The following ARID5B variants were observed in gnomAD, a reference collection of about 807,000 sequenced individuals.
ARID5B encodes the protein AT-rich interaction domain 5B, also known as AT-rich interactive domain-containing protein 5B.
Under a neutral mutation model 97.2 loss-of-function variants are expected in ARID5B, and 13 were observed. That is an observed-to-expected ratio of 0.13 (90% CI 0.09 to 0.21). The LOEUF (loss-of-function observed/expected upper bound fraction) is 0.21, where lower values mean the gene tolerates loss of function less well. Among genes scored for constraint, ARID5B ranks in the 10% least tolerant of loss-of-function variants. ARID5B has a pLI of 1.00. For synonymous variants in ARID5B, 556 were observed against 570.3 expected, an observed-to-expected ratio of 0.97 and a Z score of 0.36; for missense variants, 1,210 against 1,465.3, an observed-to-expected ratio of 0.83 and a Z score of 2.84.
intron 4 of ARID5B, among the ~76,000 whole-genome samples, chr10:62,020,742 G>A (rs1023390762): frequency 2.6e-5 from 4 of 152,084 alleles, no homozygotes; most frequent in East Asian, 1.9e-4. Flanking sequence ...ACAAGCCAAC[G>A]CCAGAGAAGA....
At chr10:61,942,521 G>A (rs1283299903) in intron 3 of ARID5B, among the ~76,000 whole-genome samples, 1 of 152,252 alleles carries the variant, frequency 6.6e-6, no homozygotes, top group African/African-American at 2.4e-5. Flanking sequence ...GCCGGGTGCG[G>A]TGGCTCACGC....
At position 62,092,146 on chromosome 10, in the gene ARID5B, G is replaced by T; in HGVS notation, c.2683G>T (p.Ala895Ser). ...CCTGCACCTGCAAGACAAAAAGTCGGCGGCAGCAGAAGCCCCTACGGATGA... is the reference window on the plus strand; with the variant it reads ...CCTGCACCTGCAAGACAAAAAGTCGTCGGCAGCAGAAGCCCCTACGGATGA... The part of the protein sequence containing the change: ...TSLHLQDKKS[A>S]AAEAPTDDQP... The change falls in exon 10 of 10, where the codon GCG becomes TCG. Residue 895 changes from alanine (A) to serine (S), a missense_variant. This residue lies in a region of ARID5B where 800 missense variants were observed against 839.1 expected (regional missense o/e 0.95). Coordinates refer to ENST00000279873, the MANE Select transcript of ARID5B (RefSeq NM_032199.3). 1 of 1,607,610 alleles carries T rather than the reference G, an allele frequency of 6.2e-7. No homozygotes were observed. The highest frequency in any genetic ancestry group is 1.1e-5 in the South Asian group (1 of 90,138).
chr10:61,915,686 C>T (rs760308847), intron 2 of ARID5B, among the ~76,000 whole-genome samples: 16 of 152,286 alleles, frequency 1.1e-4, no homozygotes, highest in Middle Eastern at 3.4e-3. Flanking sequence ...GTTGAAAACA[C>T]GGCAAGCTAA....
At chr10:62,068,740 T>A (rs1840025608) in intron 7 of ARID5B, among the ~76,000 whole-genome samples, 1 of 152,194 alleles carries the variant, frequency 6.6e-6, no homozygotes, top group African/African-American at 2.4e-5. Context: ...GAACTTGTTC[T>A]GTCTTCCAAA....
intron 3 of ARID5B, among the ~76,000 whole-genome samples, chr10:61,954,491 C>A (rs1005817047): frequency 6.6e-6 from 1 of 152,170 alleles, no homozygotes; most frequent in Non-Finnish European, 1.5e-5. Flanking sequence ...TCATGATTAA[C>A]AGCTGATGCT....
chr10:62,085,736 G>A lies in ARID5B; in HGVS notation c.1234G>A (p.Glu412Lys). 5 of 1,611,406 alleles carry A rather than the reference G, an allele frequency of 3.1e-6. No homozygotes were observed. The highest frequency in any genetic ancestry group is 4.2e-6 in the Non-Finnish European group (5 of 1,179,364). ...ACCATATGAAAGATTTATTAAAGGA[G>A]AAGAAGATAAGCCCCTGCCTCCAAT... is the stretch of plus-strand genomic sequence containing the variant. ...ILPYERFIKG[E>K]EDKPLPPIKP... The change falls in exon 9 of 10, where the codon GAA becomes AAA. Residue 412 changes from glutamate to lysine, a missense_variant. By Grantham distance (56) the Glu-to-Lys change is moderately conservative. Coordinates refer to ENST00000279873, the MANE Select transcript of ARID5B (RefSeq NM_032199.3).
intron 4 of ARID5B, among the ~76,000 whole-genome samples, chr10:62,001,151 G>A (rs191678822): frequency 1.3e-5 from 2 of 152,306 alleles, no homozygotes; most frequent in Admixed American, 1.3e-4. Flanking sequence ...GTTTGTTGAG[G>A]AGACTGGATC....
chr10:62,040,908 A>G (rs1839628147), intron 4 of ARID5B, among the ~76,000 whole-genome samples: 3 of 152,190 alleles, frequency 2.0e-5, no homozygotes, highest in South Asian at 2.1e-4. Context: ...GAAATGTTTT[A>G]TCTTACAGTG....
At chr10:61,932,574 T>C (rs181789099) in intron 2 of ARID5B, among the ~76,000 whole-genome samples, 3 of 152,258 alleles carry the variant, frequency 2.0e-5, no homozygotes, top group Admixed American at 2.0e-4. Flanking sequence ...CACACCTGGC[T>C]AATTTTTGTT....
At position 62,043,123 on chromosome 10, in the gene ARID5B, C is replaced by A. The variant is rs559643322; in HGVS notation, c.734-7765C>A. 2.0e-5 allele frequency among the ~76,000 whole-genome samples: 3 copies of A among 152,198 alleles called. No individual in the cohort carries two copies. The East Asian group carries it at 5.8e-4, about 29-fold the overall frequency. On this transcript the variant is annotated intron_variant, in intron 4 of 9. Transcript: ENST00000279873. ...GGGGACCCTCCACCAAGAATGGTTTCCCCTGGAGGATATTGCAGACAGCCA... is the reference window on the plus strand; with the variant it reads ...GGGGACCCTCCACCAAGAATGGTTTACCCTGGAGGATATTGCAGACAGCCA...
intron 3 of ARID5B, among the ~76,000 whole-genome samples, chr10:61,949,404 A>T (rs1445343770): frequency 6.6e-6 from 1 of 152,218 alleles, no homozygotes; most frequent in African/African-American, 2.4e-5. Flanking sequence ...TGGGAGGCCA[A>T]GGCAGGTGGA....
rs1177645299 is a variant in ARID5B, at chr10:62,091,707, G to T, written c.2244G>T (p.Arg748=). 1.2e-6 allele frequency: 2 copies of T among 1,614,016 alleles called. No homozygotes were observed. Among genetic ancestry groups the T allele is most frequent in the South Asian group, 1.1e-5 (1 of 91,080 alleles). The part of the protein sequence containing the change: ...GQSTDHMAVS[R]PSVIQHVQSF... ...GCACTGACCATATGGCGGTCAGCCG[G>T]CCATCAGTGATTCAGCACGTCCAGA... is the stretch of plus-strand genomic sequence containing the variant. Residue 748 remains arginine (R), a synonymous_variant, in exon 10 of 10, where the codon CGG becomes CGT. Transcript: ENST00000279873.
At chr10:61,998,818 C>G (rs553237248) in intron 3 of ARID5B, among the ~76,000 whole-genome samples, 53 of 152,272 alleles carry the variant, frequency 3.5e-4, no homozygotes, top group Admixed American at 1.2e-3. Flanking sequence ...GTGTATCAAT[C>G]AAGTTGGGCT....
chr10:61,955,276 C>T (rs984573463), intron 3 of ARID5B, among the ~76,000 whole-genome samples: 1 of 152,016 alleles, frequency 6.6e-6, no homozygotes, highest in African/African-American at 2.4e-5. Context: ...TATGCTCACG[C>T]AGAAAGGGAA....
intron 2 of ARID5B, among the ~76,000 whole-genome samples, chr10:61,908,493 A>C (rs1293055615): frequency 1.3e-5 from 2 of 152,176 alleles, no homozygotes; most frequent in African/African-American, 4.8e-5. Flanking sequence ...GTGTGCTGGC[A>C]CTTGGATACA....
At chr10:62,009,173 C>T (rs1455373998) in intron 4 of ARID5B, among the ~76,000 whole-genome samples, 1 of 152,196 alleles carries the variant, frequency 6.6e-6, no homozygotes, top group Admixed American at 6.5e-5. Context: ...ATTCCATCAT[C>T]TGGGCTTTAT....
intron 2 of ARID5B, among the ~76,000 whole-genome samples, chr10:61,928,149 C>A (rs1219816100): frequency 6.6e-6 from 1 of 152,180 alleles, no homozygotes; most frequent in Non-Finnish European, 1.5e-5. Flanking sequence ...CTGGTAATCA[C>A]TCCCACCCCT....
chr10:62,045,285 C>T (rs1419805226), intron 4 of ARID5B, among the ~76,000 whole-genome samples: 1 of 152,112 alleles, frequency 6.6e-6, no homozygotes, highest in African/African-American at 2.4e-5. Flanking sequence ...ACGTTAATAA[C>T]TTTAAAAACA....
intron 4 of ARID5B, among the ~76,000 whole-genome samples, chr10:62,036,101 G>A (rs1589268127): frequency 6.6e-6 from 1 of 152,084 alleles, no homozygotes; most frequent in Non-Finnish European, 1.5e-5. Context: ...CTGGGATTAC[G>A]GGCGCGAGCC....
Sources: allele counts gnomAD v4.1 joint callset (sites outside exome capture counted in the v4.1 genomes callset), GRCh38; gene constraint gnomAD v4.1.1; regional missense constraint gnomAD v4.1.1; transcripts MANE v1.5; gene names NCBI Gene and HGNC (gene_info 2026-07-23, HGNC 2026-07-21).